The following GLIS3 variants were observed in gnomAD, a reference collection of about 807,000 sequenced individuals.
The protein encoded by GLIS3 is GLIS family zinc finger 3.
GLIS3 carries 53 observed loss-of-function variants against 78.6 expected under a neutral mutation model. That is an observed-to-expected ratio of 0.67 (90% CI 0.54 to 0.85). The LOEUF is 0.85. Ranked by LOEUF, GLIS3 falls within the 40% of genes least tolerant of loss-of-function variation. The probability of loss-of-function intolerance (pLI) is 0.00; values close to 1 mark genes in which losing one functional copy is unlikely to be tolerated. For synonymous variants in GLIS3, 684 were observed against 509.9 expected, an observed-to-expected ratio of 1.34 and a Z score of -4.60; for missense variants, 1,703 against 1,231.1, an observed-to-expected ratio of 1.38 and a Z score of -5.74.
the GLIS3 span, among the ~76,000 whole-genome samples, chr9:4,412,012 A>T: frequency 1.3e-5 from 2 of 152,252 alleles, no homozygotes; most frequent in Non-Finnish European, 2.9e-5. Flanking sequence ...CAATCTTAAC[A>T]TGGATATCAA....
At chr9:3,944,037 G>T (rs1360170853) in intron 4 of GLIS3, among the ~76,000 whole-genome samples, 2 of 152,140 alleles carry the variant, frequency 1.3e-5, no homozygotes, top group African/African-American at 4.8e-5. Flanking sequence ...TAAAACAAGG[G>T]TTACTGAAAT....
At chr9:4,405,454 G>A in the GLIS3 span, among the ~76,000 whole-genome samples, 4 of 152,074 alleles carry the variant, frequency 2.6e-5, no homozygotes, top group Admixed American at 2.0e-4. Flanking sequence ...GCAGCTATAT[G>A]CCAATAAATT....
intron 4 of GLIS3, among the ~76,000 whole-genome samples, chr9:3,991,206 G>A (rs1820203870): frequency 6.6e-6 from 1 of 152,114 alleles, no homozygotes; most frequent in African/African-American, 2.4e-5. Context: ...AAATGGGAAG[G>A]CACTTTACTG....
the GLIS3 span, among the ~76,000 whole-genome samples, chr9:4,366,111 G>A: frequency 6.6e-6 from 1 of 152,258 alleles, no homozygotes; most frequent in African/African-American, 2.4e-5. Flanking sequence ...GGGAGAAATG[G>A]GCCCAGTGAG....
At chr9:4,103,915 G>A (rs543120620) in intron 4 of GLIS3, among the ~76,000 whole-genome samples, 1 of 152,200 alleles carries the variant, frequency 6.6e-6, no homozygotes, top group East Asian at 1.9e-4. Context: ...TACATCCAAG[G>A]TGGAGTAAGG....
chr9:3,924,455 C>T (rs1232711777), intron 6 of GLIS3, among the ~76,000 whole-genome samples: 1 of 152,196 alleles, frequency 6.6e-6, no homozygotes, highest in African/African-American at 2.4e-5. Context: ...TTAAAAGAAG[C>T]CCATACCTTC....
the GLIS3 span, among the ~76,000 whole-genome samples, chr9:4,403,922 CAG>C: frequency 6.6e-6 from 1 of 152,064 alleles, no homozygotes; most frequent in South Asian, 2.1e-4. Flanking sequence ...AATCAAAAGA[CAG>C]AGAGTGACTG....
intron 4 of GLIS3, among the ~76,000 whole-genome samples, chr9:4,070,325 GA>G (rs1232936349): frequency 6.6e-6 from 1 of 152,136 alleles, no homozygotes; most frequent in Admixed American, 6.6e-5. Context: ...TTGCACCAGG[GA>G]AAACTAGTAA....
intron 2 of GLIS3, among the ~76,000 whole-genome samples, chr9:4,184,090 G>C (rs1817564886): frequency 6.6e-6 from 1 of 152,020 alleles, no homozygotes; most frequent in Non-Finnish European, 1.5e-5. Flanking sequence ...TTTAACTTAG[G>C]CCATTTATAC....
At chr9:4,348,882 G>C (rs1031483286), upstream of GLIS3, among the ~76,000 whole-genome samples, 1 of 152,094 alleles carries the variant, frequency 6.6e-6, no homozygotes, top group Non-Finnish European at 1.5e-5. Flanking sequence ...ATGTCTATTG[G>C]CTTTGTAGAG....
At chr9:4,385,757 GAAAGAAAGAA>G in the GLIS3 span, among the ~76,000 whole-genome samples, 34 of 24,112 alleles carry the variant, frequency 1.4e-3, 7 homozygotes, top group Non-Finnish European at 2.4e-3. Context: ...AAGAAAGAAA[GAAAGAAAGAA>G]AGAAAGAAAG....
At chr9:4,037,464 T>C (rs1824414817) in intron 4 of GLIS3, among the ~76,000 whole-genome samples, 1 of 152,100 alleles carries the variant, frequency 6.6e-6, no homozygotes, top group Non-Finnish European at 1.5e-5. Flanking sequence ...GTTATACACA[T>C]GTTTTATAAA....
the GLIS3 span, among the ~76,000 whole-genome samples, chr9:4,354,705 T>C: frequency 6.6e-6 from 1 of 152,184 alleles, no homozygotes; most frequent in Non-Finnish European, 1.5e-5. Context: ...ACTGGAGTGA[T>C]GCATAAGTGT....
intron 6 of GLIS3, among the ~76,000 whole-genome samples, chr9:3,917,803 T>G (rs1824620545): frequency 6.6e-6 from 1 of 152,220 alleles, no homozygotes; most frequent in South Asian, 2.1e-4. Context: ...ACGGACATAG[T>G]TGCTCCTTGA....
At chr9:4,417,089 A>G in the GLIS3 span, among the ~76,000 whole-genome samples, 1 of 152,182 alleles carries the variant, frequency 6.6e-6, no homozygotes, top group Non-Finnish European at 1.5e-5. Context: ...CACTGGAGAC[A>G]GGCTACACAA....
intron 6 of GLIS3, among the ~76,000 whole-genome samples, chr9:3,902,379 T>C (rs1344048621): frequency 6.6e-6 from 1 of 152,222 alleles, no homozygotes; most frequent in Non-Finnish European, 1.5e-5. Context: ...ACAGGAATGA[T>C]CTAAAGGGTG....
At chr9:4,376,136 G>C in the GLIS3 span, among the ~76,000 whole-genome samples, 1 of 152,128 alleles carries the variant, frequency 6.6e-6, no homozygotes. Context: ...AGTTGGGGTG[G>C]GGTTTGGTGT....
the GLIS3 span, among the ~76,000 whole-genome samples, chr9:4,389,416 G>A: frequency 6.6e-6 from 1 of 152,160 alleles, no homozygotes; most frequent in African/African-American, 2.4e-5. Flanking sequence ...GTGAGGGAAG[G>A]GGATTCATTT....
chr9:4,178,558 T>G (rs1230188358), intron 2 of GLIS3, among the ~76,000 whole-genome samples: 2 of 152,240 alleles, frequency 1.3e-5, no homozygotes, highest in African/African-American at 4.8e-5. Flanking sequence ...TTCATGGTTT[T>G]GCCTAGGGCT....
Sources: gnomAD v4.1 joint callset for allele counts (sites outside exome capture counted in the v4.1 genomes callset) on GRCh38, gnomAD v4.1.1 for gene constraint, MANE v1.5 for transcripts, NCBI Gene and HGNC (gene_info 2026-07-23, HGNC 2026-07-21) for gene names.